Variants in COL5A3 observed in about 807,000 individuals in gnomAD.
The protein encoded by COL5A3 is collagen alpha-3(V) chain.
A neutral mutation model predicts 250.0 loss-of-function variants in COL5A3; 172 were observed. That is an observed-to-expected ratio of 0.69 (90% CI 0.61 to 0.78). COL5A3 has a LOEUF of 0.78. Among genes scored for constraint, COL5A3 ranks in the 30% least tolerant of loss-of-function variants. The pLI is 0.00. For missense variants in COL5A3, 2,340 were observed against 2,334.4 expected (o/e 1.00, Z -0.05); for synonymous variants, 937 against 900.4 (o/e 1.04, Z -0.73).
At chr19:9,974,432 C>T (rs377264035) in intron 45 of COL5A3, 24 bp from the exon 46 acceptor site, 5 of 1,539,712 alleles carry the variant, frequency 3.2e-6, no homozygotes, top group East Asian at 2.3e-5. Context: ...AACAGGGGCA[C>T]ATTTAAGGTC....
intron 30 of COL5A3, 42 bp from the exon 31 acceptor site, chr19:9,985,937 G>A (rs1043324285): frequency 1.9e-6 from 3 of 1,588,372 alleles, no homozygotes; most frequent in Non-Finnish European, 2.6e-6. Context: ...ATTGCAACCT[G>A]GAGGTCAGAG....
intron 30 of COL5A3, 100 bp downstream of exon 30, chr19:9,986,214 CA>C (rs1297112778): frequency 8.7e-6 from 7 of 805,916 alleles, no homozygotes; most frequent in African/African-American, 1.7e-5. Context: ...AGGTTGGTAG[CA>C]ACCTCCTGAG....
intron 56 of COL5A3, 57 bp from the exon 57 acceptor site, chr19:9,969,459 C>T (rs1011650569): frequency 2.5e-6 from 4 of 1,587,794 alleles, no homozygotes; most frequent in Admixed American, 1.8e-5. Flanking sequence ...CAGTGTGGAC[C>T]CCCCCCCGAC....
intron 11 of COL5A3, chr19:9,997,037 A>G: frequency 1.9e-6 from 1 of 528,704 alleles, no homozygotes; most frequent in African/African-American, 1.9e-5. Context: ...GAGAGAGGCG[A>G]ACATAGAGAG....
intron 64 of COL5A3, among the ~76,000 whole-genome samples, chr19:9,965,045 T>C (rs1174596921): frequency 1.3e-5 from 2 of 151,764 alleles, no homozygotes; most frequent in Admixed American, 1.3e-4. Context: ...ACAGACTCTG[T>C]CTCACACACA....
chr19:9,981,144 T>C lies in COL5A3; in HGVS notation c.2461-12A>G. 1.2e-6 allele frequency: 2 copies of C among 1,613,686 alleles called. No homozygotes were observed. The highest frequency in any genetic ancestry group is 1.7e-6 in the Non-Finnish European group (2 of 1,179,756). ...TGCCCTGTCTTTCCCTGAAAATGAA[T>C]TGTAAGAGAGAAAGCAGAAGAGAGT... On this transcript the variant is annotated splice_polypyrimidine_tract_variant and intron_variant, in intron 32 of 66. Transcript: ENST00000264828.
chr19:9,968,040 G>A lies in COL5A3; in HGVS notation c.4354C>T (p.Pro1452Ser), dbSNP rs774300689. The A allele has an allele frequency of 1.3e-6, 2 of 1,588,806 alleles. No individual in the cohort carries two copies. Among genetic ancestry groups the A allele is most frequent in the East Asian group, 2.2e-5 (1 of 44,592 alleles). The change falls in exon 60 of 67, where the codon CCC (proline) becomes TCC (serine). Residue 1452 changes from proline (P) to serine (S), a missense_variant. Physicochemically the swap from Pro to Ser is moderately conservative, Grantham distance 74. Transcript: ENST00000264828. The surrounding 1 kb of genome is among the most constrained non-coding windows in gnomAD (Gnocchi z 4.1). The stretch of plus-strand genomic sequence containing the variant: ...TGCATACTCACCGCCACACCTGGGG[G>A]CCCAGGGTGGCCCAGAGAGCCAATG... ...GPIGSLGHPGPPGVAGPLGQK... is the reference protein window; with the variant it reads ...GPIGSLGHPGSPGVAGPLGQK...
chr19:9,998,222 AC>A, intron 8 of COL5A3, 73 bp from the exon 9 acceptor site: 1 of 1,407,288 alleles, frequency 7.1e-7, no homozygotes, highest in Non-Finnish European at 9.7e-7. Context: ...TTATCTGATC[AC>A]ACACACTTGC....
At chr19:9,990,821 C>T (rs2087178941) in intron 24 of COL5A3, among the ~76,000 whole-genome samples, 1 of 152,076 alleles carries the variant, frequency 6.6e-6, no homozygotes, top group South Asian at 2.1e-4. Flanking sequence ...TCTCAGCCTC[C>T]CAAAGTGCTA....
At chr19:9,993,848 C>G (rs777167340) in intron 16 of COL5A3, 42 bp from the exon 17 acceptor site, 6 of 1,562,770 alleles carry the variant, frequency 3.8e-6, no homozygotes, top group Non-Finnish European at 5.2e-6. Context: ...TGAGCCTTCC[C>G]TGTACCCCTC....
Position 9,985,823 on chromosome 19 carries a change from C to G in COL5A3, c.2406+19G>C, listed in dbSNP as rs762540249. The G allele has an allele frequency of 6.8e-6, 11 of 1,608,314 alleles. No homozygotes were observed. In the East Asian group the frequency reaches 1.3e-4, roughly 20 times the overall value. ...ATCCTGCCCATATCCATCTCCACCCCCCACCCCCAGCTTCCTACCTTAGGT... is the reference window on the plus strand; with the variant it reads ...ATCCTGCCCATATCCATCTCCACCCGCCACCCCCAGCTTCCTACCTTAGGT... On this transcript the variant is annotated intron_variant, in intron 31 of 66. Transcript: ENST00000264828.
At chr19:9,999,040 T>TTCTA (rs111319646) in intron 8 of COL5A3, among the ~76,000 whole-genome samples, 22 of 145,184 alleles carry the variant, frequency 1.5e-4, no homozygotes, top group Non-Finnish European at 1.9e-4. Context: ...TTCTTTTTCT[T>TTCTA]TCTCTTTCTT....
intron 8 of COL5A3, among the ~76,000 whole-genome samples, chr19:10,000,003 C>A (rs2087335523): frequency 6.6e-6 from 1 of 152,094 alleles, no homozygotes; most frequent in African/African-American, 2.4e-5. Flanking sequence ...GGTGATCTTC[C>A]CGCCTCAACC....
chr19:9,980,137 T>C (rs1469088746), intron 35 of COL5A3, 90 bp from the exon 36 acceptor site: 1 of 1,225,420 alleles, frequency 8.2e-7, no homozygotes, highest in Non-Finnish European at 1.1e-6. Flanking sequence ...ATCGAGCACA[T>C]ATTGAGTGCT....
intron 1 of COL5A3, among the ~76,000 whole-genome samples, chr19:10,006,625 C>T (rs932849676): frequency 9.2e-5 from 14 of 152,260 alleles, no homozygotes; most frequent in African/African-American, 3.4e-4. Flanking sequence ...CAGGGGAAAC[C>T]CACGTGGAGA....
At position 9,967,909 on chromosome 19, in the gene COL5A3, AC is replaced by A; in HGVS notation, c.4398del (p.Ser1467LeufsTer57). Reference sequence around the variant, plus strand: ...CGGAAGCAGGGTGTACTCACCGGAGACCCTTTTGAGCCTTTCTGTCCTAGAG... The same window carrying A: ...CGGAAGCAGGGTGTACTCACCGGAGACCTTTTGAGCCTTTCTGTCCTAGAG... ...AGPLGQKGSKGSPGSMGPRGD... is the reference protein window; with the variant it reads ...AGPLGQKGSKXSPGSMGPRGD... On this transcript the variant is annotated frameshift_variant, in exon 61 of 67. Coordinates refer to ENST00000264828, the MANE Select transcript of COL5A3 (RefSeq NM_015719.4). LOFTEE classifies it high-confidence loss of function. 1 of 1,613,114 alleles carries A rather than the reference AC, an allele frequency of 6.2e-7. No individual in the cohort carries two copies. Among genetic ancestry groups the A allele is most frequent in the Non-Finnish European group, 8.5e-7 (1 of 1,179,692 alleles).
At chr19:9,997,100 GA>G in intron 11 of COL5A3, 1 of 568,526 alleles carries the variant, frequency 1.8e-6, no homozygotes, top group South Asian at 2.1e-5. Flanking sequence ...AAGAGAGACA[GA>G]GACAGAGTCA....
rs113602459 is a variant in COL5A3 at position 10,000,107 on chromosome 19, T to TAA, written c.1110+1415_1110+1416dup. ...TCTTCTCTTCTCCCTGCCCTTAACATAAAAAAAAAGCCTAAAATTTGTACT... is the reference window on the plus strand; with the variant it reads ...TCTTCTCTTCTCCCTGCCCTTAACATAAAAAAAAAAAGCCTAAAATTTGTACT... On this transcript the variant is annotated intron_variant, in intron 8 of 66. Transcript: ENST00000264828. Among the ~76,000 whole-genome samples the TAA allele has an allele frequency of 2.3e-3, 342 of 150,550 alleles. 1 individual carries two copies. The highest frequency in any genetic ancestry group is 0.014 in the East Asian group (73 of 5,124).
At chr19:9,981,175 T>C (rs2087004381) in intron 32 of COL5A3, 43 bp from the exon 33 acceptor site, 2 of 1,586,532 alleles carry the variant, frequency 1.3e-6, no homozygotes, top group African/African-American at 1.3e-5. Context: ...AGAGTTAGGG[T>C]GCAAAGGTAT....
Sources: allele counts gnomAD v4.1 joint callset (sites outside exome capture counted in the v4.1 genomes callset), GRCh38; gene constraint gnomAD v4.1.1; non-coding constraint Gnocchi (gnomAD v3.1); transcripts MANE v1.5; gene names NCBI Gene and HGNC (gene_info 2026-07-23, HGNC 2026-07-21).